The following PCSK5 variants were observed in gnomAD, a reference collection of about 807,000 sequenced individuals.
The protein encoded by PCSK5 is proprotein convertase subtilisin/kexin type 5.
Under a neutral mutation model 233.2 loss-of-function variants are expected in PCSK5, and 129 were observed. That is an observed-to-expected ratio of 0.55 (90% CI 0.48 to 0.64). PCSK5 has a LOEUF of 0.64. Among genes scored for constraint, PCSK5 ranks in the 30% least tolerant of loss-of-function variants. The probability of loss-of-function intolerance (pLI) is 0.00; values close to 1 mark genes in which losing one functional copy is unlikely to be tolerated. For missense variants in PCSK5, 2,076 were observed against 2,430.1 expected (o/e 0.85, Z 3.06); for synonymous variants, 825 against 879.2 (o/e 0.94, Z 1.09).
intron 20 of PCSK5, among the ~76,000 whole-genome samples, chr9:76,213,072 C>T (rs115157421): frequency 2.8e-4 from 42 of 152,358 alleles, no homozygotes; most frequent in African/African-American, 9.1e-4. Context: ...GGACATGTAT[C>T]ATTGTCATTT....
intron 2 of PCSK5, among the ~76,000 whole-genome samples, chr9:75,936,245 T>C (rs534966074): frequency 5.9e-5 from 9 of 152,346 alleles, no homozygotes; most frequent in African/African-American, 1.9e-4. Context: ...TGGTGGTTGC[T>C]GAAGGTTGGG....
chr9:76,019,031 G>T (rs1000119850), intron 3 of PCSK5, among the ~76,000 whole-genome samples: 7 of 152,106 alleles, frequency 4.6e-5, no homozygotes, highest in Non-Finnish European at 8.8e-5. Context: ...AGACTGCTTG[G>T]TTTGAATCCT....
chr9:76,067,038 T>C (rs1345783644), intron 5 of PCSK5, among the ~76,000 whole-genome samples: 1 of 152,102 alleles, frequency 6.6e-6, no homozygotes, highest in African/African-American at 2.4e-5. Flanking sequence ...ACATTAGAGG[T>C]CAGTCTTGGT....
rs768093722 is a variant in PCSK5, at chr9:76,295,366, G to A, written c.3277G>A (p.Asp1093Asn). ...KACDSNCGSCDQNGCYWCEEG... is the reference protein window; with the variant it reads ...KACDSNCGSCNQNGCYWCEEG... ...GTGTGATAGTAACTGTGGCAGCTGT[G>A]ACCAGAATGGGTGTTACTGGTGTGA... Residue 1093 changes from aspartate to asparagine, a missense_variant, in exon 26 of 38, where the codon GAC (aspartate) becomes AAC (asparagine). Physicochemically the swap from Asp to Asn is conservative, Grantham distance 23. Around this residue, in one of 6 missense-constraint regions of PCSK5, gnomAD observed 1,510 missense variants for 1,538.1 expected, o/e 0.98. Transcript: ENST00000674117. The A allele has an allele frequency of 6.2e-7, 1 of 1,612,292 alleles. No individual in the cohort carries two copies. Among genetic ancestry groups the A allele is most frequent in the Non-Finnish European group, 8.5e-7 (1 of 1,179,450 alleles).
Position 76,354,086 on chromosome 9 carries a change from A to T in PCSK5, c.5121A>T (p.Gly1707=). The part of the protein sequence containing the change: ...KCHESCMECK[G]PGAKNCTLCP... Reference sequence around the variant, plus strand: ...ACGAGAGCTGCATGGAATGCAAGGGACCAGGGGCCAAGAACTGCACCTTGT... The same window carrying T: ...ACGAGAGCTGCATGGAATGCAAGGGTCCAGGGGCCAAGAACTGCACCTTGT... The change falls in exon 37 of 38, where the codon GGA becomes GGT. Residue 1707 remains glycine (G), a synonymous_variant. Coordinates refer to ENST00000674117, the MANE Select transcript of PCSK5 (RefSeq NM_001372043.1). 6.2e-7 allele frequency: 1 copy of T among 1,609,376 alleles called. No homozygotes were observed. The highest frequency in any genetic ancestry group is 1.1e-5 in the South Asian group (1 of 90,028).
At chr9:76,276,233 AAAAAT>A (rs1417554877) in intron 24 of PCSK5, among the ~76,000 whole-genome samples, 9 of 152,130 alleles carry the variant, frequency 5.9e-5, no homozygotes, top group East Asian at 1.9e-4. Context: ...AAATAAATAA[AAAAAT>A]AAAATAAAAT....
At chr9:76,250,591 G>A (rs1184964217) in intron 24 of PCSK5, among the ~76,000 whole-genome samples, 3 of 152,148 alleles carry the variant, frequency 2.0e-5, no homozygotes, top group South Asian at 2.1e-4. Context: ...CCAACGGAGG[G>A]ACATTTTGTA....
chr9:76,142,713 ATAGAGC>A (rs753482380), intron 10 of PCSK5, among the ~76,000 whole-genome samples: 1 of 152,214 alleles, frequency 6.6e-6, no homozygotes, highest in Non-Finnish European at 1.5e-5. Context: ...GTAGATGTAT[ATAGAGC>A]TATATCCATT....
At chr9:75,979,812 C>T (rs1177193713) in intron 2 of PCSK5, among the ~76,000 whole-genome samples, 1 of 152,174 alleles carries the variant, frequency 6.6e-6, no homozygotes, top group African/African-American at 2.4e-5. Context: ...TCCCTTCCTC[C>T]ATAATCACTT....
chr9:76,312,218 G>A (rs372606233), intron 30 of PCSK5, among the ~76,000 whole-genome samples: 8 of 152,082 alleles, frequency 5.3e-5, no homozygotes, highest in Admixed American at 1.3e-4. Context: ...ATACAACAAC[G>A]CCTATTTCCT....
chr9:76,065,712 C>A (rs1201809644), intron 5 of PCSK5, among the ~76,000 whole-genome samples: 1 of 151,974 alleles, frequency 6.6e-6, no homozygotes, highest in Non-Finnish European at 1.5e-5. Flanking sequence ...AGGTGTTACT[C>A]AAAAAAATCT....
intron 2 of PCSK5, among the ~76,000 whole-genome samples, chr9:75,985,391 G>C (rs1197077734): frequency 6.6e-6 from 1 of 152,144 alleles, no homozygotes; most frequent in Non-Finnish European, 1.5e-5. Context: ...GGGAGCCTAT[G>C]GCTTAGGAAA....
At chr9:75,949,767 G>T (rs910221437) in intron 2 of PCSK5, among the ~76,000 whole-genome samples, 1 of 151,914 alleles carries the variant, frequency 6.6e-6, no homozygotes, top group African/African-American at 2.4e-5. Context: ...ACTGTGATCC[G>T]CCCACCTCAG....
chr9:76,038,997 C>T (rs972127373), intron 5 of PCSK5, among the ~76,000 whole-genome samples: 1 of 152,194 alleles, frequency 6.6e-6, no homozygotes, highest in Non-Finnish European at 1.5e-5. Flanking sequence ...AGCGCGGGAA[C>T]AATACCAATT....
chr9:76,205,036 A>G, intron 20 of PCSK5: 1 of 499,678 alleles, frequency 2.0e-6, no homozygotes, highest in Admixed American at 2.0e-5. Flanking sequence ...CTACAAGTCT[A>G]AGGGGTTATA....
intron 2 of PCSK5, among the ~76,000 whole-genome samples, chr9:75,968,490 C>G (rs1825688960): frequency 6.6e-6 from 1 of 152,186 alleles, no homozygotes; most frequent in Admixed American, 6.5e-5. Context: ...ATGAAAAAGT[C>G]TGACAAATGG....
In PCSK5 at chr9:76,196,484, G is replaced by A. The variant is rs187986033; in HGVS notation, c.2626+6738G>A. ...AGTGGAGTATAGATCTTTCTGAACC[G>A]TGCCTGAGATGCAATTACTAGTCTT... is the stretch of plus-strand genomic sequence containing the variant. On this transcript the variant is annotated intron_variant, in intron 20 of 37. Transcript: ENST00000674117. Among the ~76,000 whole-genome samples, 320 of 152,320 alleles carry A rather than the reference G, an allele frequency of 2.1e-3. 1 individual carries two copies. Among genetic ancestry groups the A allele is most frequent in the African/African-American group, 6.9e-3 (289 of 41,590 alleles).
intron 12 of PCSK5, among the ~76,000 whole-genome samples, chr9:76,164,280 A>T (rs1208626413): frequency 6.6e-6 from 1 of 152,200 alleles, no homozygotes; most frequent in African/African-American, 2.4e-5. Context: ...CTTCATTCAA[A>T]AGAAGGTACA....
At chr9:76,123,193 G>A (rs1409171286) in intron 9 of PCSK5, among the ~76,000 whole-genome samples, 1 of 152,078 alleles carries the variant, frequency 6.6e-6, no homozygotes, top group Non-Finnish European at 1.5e-5. Flanking sequence ...ATGCACAAAT[G>A]TCATGCTGTT....
Sources: gnomAD v4.1 joint callset for allele counts (sites outside exome capture counted in the v4.1 genomes callset) on GRCh38, gnomAD v4.1.1 for gene constraint, gnomAD v4.1.1 regional missense constraint, MANE v1.5 for transcripts, NCBI Gene and HGNC (gene_info 2026-07-23, HGNC 2026-07-21) for gene names.